The following PDE1A variants were observed in gnomAD, a reference collection of about 807,000 sequenced individuals.
PDE1A encodes the protein dual specificity calcium/calmodulin-dependent 3',5'-cyclic nucleotide phosphodiesterase 1A.
In PDE1A, 35 loss-of-function variants were observed where a neutral mutation model predicts 61.7. The ratio of observed to expected loss-of-function variants is 0.57; its 90% CI spans 0.43 to 0.75. PDE1A has a LOEUF of 0.75. Among genes scored for constraint, PDE1A ranks in the 30% least tolerant of loss-of-function variants. The probability of loss-of-function intolerance (pLI) is 0.00; values close to 1 mark genes in which losing one functional copy is unlikely to be tolerated. For synonymous variants in PDE1A, 232 were observed against 213.2 expected (o/e 1.09, Z -0.77); for missense variants, 597 against 630.6 (o/e 0.95, Z 0.57).
At chr2:182,595,113 G>T in the PDE1A span, among the ~76,000 whole-genome samples, 1 of 152,024 alleles carries the variant, frequency 6.6e-6, no homozygotes, top group African/African-American at 2.4e-5. Context: ...ACTAAGAGCC[G>T]TTTCACTTTG....
chr2:182,540,520 T>C, the PDE1A span, among the ~76,000 whole-genome samples: 8 of 152,130 alleles, frequency 5.3e-5, no homozygotes, highest in Non-Finnish European at 1.0e-4. Context: ...TTTAAAATCT[T>C]GCCAAATTAT....
At chr2:182,686,484 C>G in the PDE1A span, among the ~76,000 whole-genome samples, 1 of 152,120 alleles carries the variant, frequency 6.6e-6, no homozygotes, top group African/African-American at 2.4e-5. Context: ...CATTTTGCAT[C>G]CATTTTTGGT....
upstream of PDE1A, among the ~76,000 whole-genome samples, chr2:182,527,330 ATATATATATATATATATATAT>A (rs1690792295): frequency 6.8e-4 from 5 of 7,384 alleles, 2 homozygotes; most frequent in African/African-American, 2.9e-3. Context: ...AAAAAAAAAT[ATATATATATATATATATATAT>A]ATATATATAT....
the PDE1A span, among the ~76,000 whole-genome samples, chr2:182,548,392 G>A: frequency 1.3e-5 from 2 of 152,104 alleles, no homozygotes; most frequent in South Asian, 2.1e-4. Flanking sequence ...ATGCCAAGTC[G>A]AAACGCACAG....
chr2:182,330,978 C>T (rs1330937699), intron 1 of PDE1A, among the ~76,000 whole-genome samples: 1 of 152,146 alleles, frequency 6.6e-6, no homozygotes, highest in Non-Finnish European at 1.5e-5. Context: ...GGCTAGTTTC[C>T]AGACATTGTG....
intron 2 of PDE1A, among the ~76,000 whole-genome samples, chr2:182,502,530 T>C (rs868178971): frequency 1.3e-5 from 2 of 152,348 alleles, no homozygotes; most frequent in South Asian, 4.1e-4. Flanking sequence ...CCAAAATGTA[T>C]GTGTTCAGCC....
chr2:182,679,241 T>C, the PDE1A span, among the ~76,000 whole-genome samples: 1 of 150,984 alleles, frequency 6.6e-6, no homozygotes, highest in Non-Finnish European at 1.5e-5. Context: ...TGGAGTGCAG[T>C]GGTGCAATCT....
the PDE1A span, among the ~76,000 whole-genome samples, chr2:182,567,075 A>T: frequency 3.0e-4 from 46 of 152,312 alleles, no homozygotes; most frequent in Non-Finnish European, 5.0e-4. Context: ...TAGTTATAAC[A>T]TTTTTTAAAT....
the PDE1A span, among the ~76,000 whole-genome samples, chr2:182,583,030 G>C: frequency 6.6e-6 from 1 of 152,116 alleles, no homozygotes; most frequent in African/African-American, 2.4e-5. Flanking sequence ...GTTTGATGAT[G>C]GTGGGAGTGA....
intron 1 of PDE1A, among the ~76,000 whole-genome samples, chr2:182,411,224 A>G (rs1364603965): frequency 6.6e-6 from 1 of 152,130 alleles, no homozygotes; most frequent in East Asian, 1.9e-4. Flanking sequence ...ACTTTTTACT[A>G]TATTAGTGTT....
At chr2:182,541,949 C>T in the PDE1A span, among the ~76,000 whole-genome samples, 14 of 152,092 alleles carry the variant, frequency 9.2e-5, no homozygotes, top group African/African-American at 1.4e-4. Flanking sequence ...AGGAGAGGCC[C>T]GAATATTAAG....
At chr2:182,637,177 G>C in the PDE1A span, among the ~76,000 whole-genome samples, 1 of 152,080 alleles carries the variant, frequency 6.6e-6, no homozygotes, top group Non-Finnish European at 1.5e-5. Flanking sequence ...CTGGTGATAG[G>C]GCATGAGAAT....
chr2:182,438,882 T>C (rs762009118), intron 2 of PDE1A, among the ~76,000 whole-genome samples: 3 of 152,014 alleles, frequency 2.0e-5, no homozygotes, highest in Non-Finnish European at 2.9e-5. Context: ...CTGAACAATG[T>C]AGAAAATATT....
intron 2 of PDE1A, among the ~76,000 whole-genome samples, chr2:182,250,301 G>T (rs191632356): frequency 6.6e-6 from 1 of 152,298 alleles, no homozygotes; most frequent in East Asian, 1.9e-4. Context: ...GTGCTAGTAT[G>T]TTGAATTGTT....
intron 1 of PDE1A, among the ~76,000 whole-genome samples, chr2:182,296,997 G>A (rs1422593482): frequency 6.6e-6 from 1 of 152,102 alleles, no homozygotes; most frequent in East Asian, 1.9e-4. Flanking sequence ...ACCTGGACTG[G>A]AATTACATCA....
chr2:182,201,868 C>T (rs1415025317), intron 8 of PDE1A, 79 bp from the exon 9 acceptor site: 2 of 864,954 alleles, frequency 2.3e-6, no homozygotes. Context: ...AATAATCACT[C>T]ACCATGTTTT....
the PDE1A span, among the ~76,000 whole-genome samples, chr2:182,658,022 A>T: frequency 7.3e-6 from 1 of 137,114 alleles, no homozygotes. Context: ...ATCGCATAGT[A>T]CCTAGCACAT....
At chr2:182,657,794 G>C in the PDE1A span, among the ~76,000 whole-genome samples, 1 of 151,976 alleles carries the variant, frequency 6.6e-6, no homozygotes, top group East Asian at 1.9e-4. Context: ...GCCCCAGGTG[G>C]CTAAAAACAT....
At chr2:182,338,916 A>G (rs1205099247) in intron 1 of PDE1A, among the ~76,000 whole-genome samples, 1 of 152,162 alleles carries the variant, frequency 6.6e-6, no homozygotes, top group Non-Finnish European at 1.5e-5. Flanking sequence ...GTAGCAACCA[A>G]TATTTCAGTG....
Sources: gnomAD v4.1 joint callset for allele counts (sites outside exome capture counted in the v4.1 genomes callset) on GRCh38, gnomAD v4.1.1 for gene constraint, MANE v1.5 for transcripts, NCBI Gene and HGNC (gene_info 2026-07-23, HGNC 2026-07-21) for gene names.